Variants in TGFBR2 observed in about 807,000 individuals in gnomAD.
TGFBR2 encodes the protein TGF-beta receptor type-2.
Under a neutral mutation model 49.0 loss-of-function variants are expected in TGFBR2, and 18 were observed. That is an observed-to-expected ratio of 0.37 (90% CI 0.25 to 0.54). The LOEUF is 0.54. Ranked by LOEUF, TGFBR2 falls within the 20% of genes least tolerant of loss-of-function variation. TGFBR2 has a pLI of 0.85. For synonymous variants in TGFBR2, 282 were observed against 275.9 expected (o/e 1.02, Z -0.22); for missense variants, 525 against 722.6 (o/e 0.73, Z 3.13).
intron 1 of TGFBR2, among the ~76,000 whole-genome samples, chr3:30,632,250 A>G (rs1261723101): frequency 6.6e-6 from 1 of 152,184 alleles, no homozygotes; most frequent in Non-Finnish European, 1.5e-5. Flanking sequence ...TTTTATTAGC[A>G]TGTTGCGAAA....
chr3:30,644,991 G>A, intron 2 of TGFBR2, 76 bp downstream of exon 2: 13 of 1,321,560 alleles, frequency 9.8e-6, no homozygotes, highest in Non-Finnish European at 1.3e-5. Context: ...CACACAGTCA[G>A]TGTATCTCTG....
intron 1 of TGFBR2, among the ~76,000 whole-genome samples, chr3:30,620,213 T>G (rs1265296590): frequency 6.6e-6 from 1 of 152,068 alleles, no homozygotes; most frequent in African/African-American, 2.4e-5. Flanking sequence ...AACAAAACTC[T>G]TACTAGAATG....
Position 30,672,007 on chromosome 3 carries a change from C to T in TGFBR2, c.824C>T (p.Ala275Val), listed in dbSNP as rs2125434530. The part of the protein sequence containing the change: ...QNTSEQFETV[A>V]VKIFPYEEYA... ...ACTTCAGAGCAGTTTGAGACAGTGG[C>T]AGTCAAGATCTTTCCCTATGAGGAG... Residue 275 changes from alanine to valine, a missense_variant, in exon 4 of 7, where the codon GCA becomes GTA. Physicochemically the swap from Ala to Val is moderately conservative, Grantham distance 64 (BLOSUM62 0). Around this residue, in one of 3 missense-constraint regions of TGFBR2, gnomAD observed 376 missense variants for 478.2 expected, o/e 0.79. Coordinates refer to ENST00000295754, the MANE Select transcript of TGFBR2 (RefSeq NM_003242.6). This position sits in a 1 kb window ranked among gnomAD's most constrained non-coding sequence, Gnocchi z 4.5. The T allele has an allele frequency of 6.2e-7, 1 of 1,614,210 alleles. No individual in the cohort carries two copies. Among genetic ancestry groups the T allele is most frequent in the Admixed American group, 1.7e-5 (1 of 60,034 alleles).
rs946257114 is a variant in TGFBR2 at position 30,650,402 on chromosome 3, T to C, written c.396T>C (p.Thr132=). Residue 132 remains threonine, a synonymous_variant, in exon 3 of 7, where the codon ACT becomes ACC. Coordinates refer to ENST00000295754, the MANE Select transcript of TGFBR2 (RefSeq NM_003242.6). ...AGGAAAAAAAAAAGCCTGGTGAGAC[T>C]TTCTTCATGTGTTCCTGTAGCTCTG... ...IMKEKKKPGE[T]FFMCSCSSDE... 2 of 1,613,968 alleles carry C rather than the reference T, an allele frequency of 1.2e-6. No homozygotes were observed. The highest frequency in any genetic ancestry group is 1.7e-6 in the Non-Finnish European group (2 of 1,179,968).
chr3:30,617,085 A>G (rs928850912), intron 1 of TGFBR2, among the ~76,000 whole-genome samples: 1 of 151,110 alleles, frequency 6.6e-6, no homozygotes, highest in Non-Finnish European at 1.5e-5. Flanking sequence ...TTTTTGGGAA[A>G]AAAAAAAAAG....
intron 1 of TGFBR2, 63 bp from the exon 2 acceptor site, chr3:30,644,684 G>C (rs901911133): frequency 2.0e-6 from 3 of 1,497,860 alleles, no homozygotes; most frequent in African/African-American, 1.4e-5. Flanking sequence ...ACATCTTCAG[G>C]AATTCATTGG....
At chr3:30,673,663 C>T (rs1123686) in intron 4 of TGFBR2, among the ~76,000 whole-genome samples, 37,614 of 152,030 alleles carry the variant, frequency 0.25, 5,071 homozygotes, top group Admixed American at 0.34. Context: ...AGACTCAGTC[C>T]TAAAGTGATC....
chr3:30,648,666 A>G (rs1203107005), intron 2 of TGFBR2, among the ~76,000 whole-genome samples: 1 of 152,066 alleles, frequency 6.6e-6, no homozygotes, highest in East Asian at 1.9e-4. Context: ...TCTTCCTGTC[A>G]CAGCAGGGAC....
intron 3 of TGFBR2, among the ~76,000 whole-genome samples, chr3:30,660,846 TGGGTG>T (rs2125421773): frequency 6.6e-6 from 1 of 152,348 alleles, no homozygotes; most frequent in African/African-American, 2.4e-5. Context: ...TGGCAAGGTT[TGGGTG>T]CTACTGCCTT....
chr3:30,619,984 G>A lies in TGFBR2; in HGVS notation c.94+13007G>A, dbSNP rs145271077. 6.9e-3 allele frequency among the ~76,000 whole-genome samples: 1,044 copies of A among 152,154 alleles called. 13 individuals are homozygous for A. Among genetic ancestry groups the A allele is most frequent in the African/African-American group, 0.023 (970 of 41,520 alleles). ...GGGCGGATCACGAAGTCAGGAGATC[G>A]AGACCATCCTCGCTAACACGATGAA... On this transcript the variant is annotated intron_variant, in intron 1 of 6. Transcript: ENST00000295754.
At chr3:30,617,142 T>C (rs1047344507) in intron 1 of TGFBR2, among the ~76,000 whole-genome samples, 4 of 152,098 alleles carry the variant, frequency 2.6e-5, no homozygotes, top group African/African-American at 9.7e-5. Context: ...TTCAAATATT[T>C]CTCTACCACT....
intron 1 of TGFBR2, among the ~76,000 whole-genome samples, chr3:30,618,231 GT>G (rs397971432): frequency 2.5e-3 from 325 of 128,700 alleles, no homozygotes; most frequent in East Asian, 5.3e-3. Flanking sequence ...TTTCTTTCTT[GT>G]TTTTTTTTTT....
intron 1 of TGFBR2, among the ~76,000 whole-genome samples, chr3:30,614,212 T>C (rs1436382131): frequency 6.6e-6 from 1 of 150,916 alleles, no homozygotes; most frequent in African/African-American, 2.4e-5. Context: ...TTTATCTGAA[T>C]GTTTTTTCCT....
At chr3:30,637,782 T>TA (rs889761903) in intron 1 of TGFBR2, among the ~76,000 whole-genome samples, 81 of 149,696 alleles carry the variant, frequency 5.4e-4, no homozygotes, top group African/African-American at 9.8e-4. Flanking sequence ...GATGAGTGGT[T>TA]AAAAAAAAAA....
chr3:30,635,288 T>G (rs1426175190), intron 1 of TGFBR2, among the ~76,000 whole-genome samples: 1 of 152,230 alleles, frequency 6.6e-6, no homozygotes, highest in African/African-American at 2.4e-5. Context: ...TGTTTAGATT[T>G]TGTCTCCTGT....
intron 1 of TGFBR2, among the ~76,000 whole-genome samples, chr3:30,639,262 G>A (rs1203192172): frequency 6.6e-6 from 1 of 152,132 alleles, no homozygotes; most frequent in African/African-American, 2.4e-5. Context: ...TGTGTACTTG[G>A]CTAGGTTCTG....
intron 1 of TGFBR2, among the ~76,000 whole-genome samples, chr3:30,621,692 G>A (rs1030475572): frequency 3.9e-5 from 6 of 152,144 alleles, no homozygotes; most frequent in Admixed American, 1.3e-4. Flanking sequence ...CTACTGAAAA[G>A]CACTTATCTT....
At chr3:30,636,429 T>G (rs932380596) in intron 1 of TGFBR2, among the ~76,000 whole-genome samples, 2 of 152,138 alleles carry the variant, frequency 1.3e-5, no homozygotes, top group Non-Finnish European at 2.9e-5. Context: ...TAGGTATTGT[T>G]TCTCCACTTC....
rs537640987 is a variant in TGFBR2, at chr3:30,609,531, T to G, written c.94+2554T>G. Among the ~76,000 whole-genome samples the G allele has an allele frequency of 4.6e-5, 7 of 151,688 alleles. No homozygotes were observed. In the South Asian group the frequency reaches 6.3e-4, roughly 14 times the overall value. On this transcript the variant is annotated intron_variant, in intron 1 of 6. Coordinates refer to ENST00000295754, the MANE Select transcript of TGFBR2 (RefSeq NM_003242.6). Reference sequence around the variant, plus strand: ...ACAAATTTCACTAAGAAATAGAAAGTTTTTTTTTCTTCGTTTTTGACTTAA... The same window carrying G: ...ACAAATTTCACTAAGAAATAGAAAGGTTTTTTTTCTTCGTTTTTGACTTAA...
Sources: gnomAD v4.1 joint callset for allele counts (sites outside exome capture counted in the v4.1 genomes callset) on GRCh38, gnomAD v4.1.1 for gene constraint, gnomAD v4.1.1 regional missense constraint, Gnocchi (gnomAD v3.1) non-coding constraint, MANE v1.5 for transcripts, NCBI Gene and HGNC (gene_info 2026-07-23, HGNC 2026-07-21) for gene names.